The following SPATA7 variants were observed in gnomAD, a reference collection of about 807,000 sequenced individuals.
SPATA7 encodes spermatogenesis associated 7.
A neutral mutation model predicts 51.8 loss-of-function variants in SPATA7; 43 were observed. The ratio of observed to expected loss-of-function variants is 0.83; its 90% CI spans 0.65 to 1.07. The LOEUF (loss-of-function observed/expected upper bound fraction) is 1.07, where lower values mean the gene tolerates loss of function less well. Ranked by LOEUF, SPATA7 falls within the 50% of genes least tolerant of loss-of-function variation. The probability of loss-of-function intolerance (pLI) is 0.00; values close to 1 mark genes in which losing one functional copy is unlikely to be tolerated. For missense variants in SPATA7, 683 were observed against 701.3 expected, an observed-to-expected ratio of 0.97 and a Z score of 0.30; for synonymous variants, 230 against 252.8, an observed-to-expected ratio of 0.91 and a Z score of 0.86.
At chr14:88,465,324 G>T (rs988063337) in intron 4 of SPATA7, among the ~76,000 whole-genome samples, 37 of 152,034 alleles carry the variant, frequency 2.4e-4, no homozygotes, top group Admixed American at 2.4e-3. Flanking sequence ...AAAATTAGCC[G>T]GGCATAGTGG....
In SPATA7 at chr14:88,432,404, G is replaced by T. The variant is rs887011549; in HGVS notation, c.1083-731G>T. ...TGCTTATTCAGTAATTTAGTTACTT[G>T]CTACTTACATTTGGTATTAATTCAC... On this transcript the variant is annotated intron_variant, in intron 9 of 11. Transcript: ENST00000393545. Among the ~76,000 whole-genome samples, 45 of 152,036 alleles carry T rather than the reference G, an allele frequency of 3.0e-4. 1 individual carries two copies. The highest frequency in any genetic ancestry group is 1.0e-3 in the African/African-American group (42 of 41,402).
intron 3 of SPATA7, among the ~76,000 whole-genome samples, chr14:88,444,106 T>C (rs2077196206): frequency 6.6e-6 from 1 of 151,974 alleles, no homozygotes; most frequent in African/African-American, 2.4e-5. Context: ...ACCAACAGTG[T>C]AAAAGTGTTC....
chr14:88,469,386 G>T lies in SPATA7; in HGVS notation c.255-461G>T. On this transcript the variant is annotated intron_variant, in intron 4 of 4. Transcript: ENST00000556406. The surrounding 1 kb of genome is among the most constrained non-coding windows in gnomAD (Gnocchi z 4.3). ...ACTTGTATTCTTTATGTTAAAACAA[G>T]TCCGAAGCTTATATGAGATAACATA... 1.0e-6 allele frequency: 1 copy of T among 970,862 alleles called. No homozygotes were observed. The highest frequency in any genetic ancestry group is 1.5e-6 in the Non-Finnish European group (1 of 653,244). The allele number at this position is 970,862 out of a possible 1,614,324, so 60.1% of individuals were successfully genotyped here. A position where few individuals can be genotyped will look rare whatever the true frequency, so the allele number is the denominator to read the frequency against.
At chr14:88,393,522 A>C (rs988045882) in intron 3 of SPATA7, 34 bp downstream of exon 3, 5 of 1,426,842 alleles carry the variant, frequency 3.5e-6, no homozygotes, top group Non-Finnish European at 4.9e-6. Context: ...CTCTGTACTC[A>C]ATTTAAACCT....
downstream of SPATA7, among the ~76,000 whole-genome samples, chr14:88,439,370 G>A (rs1326789953): frequency 1.3e-5 from 2 of 152,084 alleles, no homozygotes; most frequent in African/African-American, 4.8e-5. Flanking sequence ...TGTAGCTCAT[G>A]AATGAGACCC....
Position 88,469,424 on chromosome 14 carries a change from C to A in SPATA7, c.255-423C>A, listed in dbSNP as rs1333764357. ...ATGAGATAACATAAAGGAAATATTT[C>A]GGAAACATAAATGTTCCTCTCTGTT... On this transcript the variant is annotated intron_variant, in intron 4 of 4. Coordinates refer to the SPATA7 transcript ENST00000556406. This position sits in a 1 kb window ranked among gnomAD's most constrained non-coding sequence, Gnocchi z 4.3. 2 of 1,269,928 alleles carry A rather than the reference C, an allele frequency of 1.6e-6. No individual in the cohort carries two copies. Among genetic ancestry groups the A allele is most frequent in the Admixed American group, 3.6e-5 (2 of 54,828 alleles). 78.7% of individuals were successfully genotyped at this position (1,269,928 alleles called of 1,614,324 possible). A position where few individuals can be genotyped will look rare whatever the true frequency, so the allele number is the denominator to read the frequency against.
At chr14:88,441,310 G>A (rs556195466), downstream of SPATA7, among the ~76,000 whole-genome samples, 21 of 152,210 alleles carry the variant, frequency 1.4e-4, no homozygotes, top group Non-Finnish European at 2.2e-4. Flanking sequence ...ATAAACATGC[G>A]TGTGCAAGTT....
intron 4 of SPATA7, among the ~76,000 whole-genome samples, chr14:88,405,823 G>C (rs759861042): frequency 3.2e-4 from 49 of 152,230 alleles, no homozygotes; most frequent in Admixed American, 2.5e-3. Context: ...TTTCAGGATA[G>C]AGCTAAAAAT....
At position 88,469,826 on chromosome 14, in the gene SPATA7, A is replaced by AC. The variant is rs758062375; in HGVS notation, c.255-18dup. ...ACATCTGAAACAGAACCACAACCCT[A>AC]CCCTGCCTTTTTCTCCACAGGTCAG... On this transcript the variant is annotated intron_variant, in intron 4 of 4. Coordinates refer to the SPATA7 transcript ENST00000556406. The surrounding 1 kb of genome is among the most constrained non-coding windows in gnomAD (Gnocchi z 4.3). The AC allele has an allele frequency of 1.9e-6, 3 of 1,601,456 alleles. No individual in the cohort carries two copies. Among genetic ancestry groups the AC allele is most frequent in the Non-Finnish European group, 2.6e-6 (3 of 1,168,972 alleles).
At chr14:88,448,442 A>G (rs1171532290) in intron 3 of SPATA7, among the ~76,000 whole-genome samples, 1 of 152,198 alleles carries the variant, frequency 6.6e-6, no homozygotes, top group Non-Finnish European at 1.5e-5. Flanking sequence ...GTCCTCCCGT[A>G]GCTCGGAGTA....
chr14:88,458,702 G>C (rs907392247), downstream of SPATA7, among the ~76,000 whole-genome samples: 3 of 152,016 alleles, frequency 2.0e-5, no homozygotes, highest in Non-Finnish European at 4.4e-5. Context: ...ATTTTTTGAA[G>C]GGTTTTTTGT....
At chr14:88,468,778 G>C (rs1367518829) in intron 4 of SPATA7, 2 of 998,492 alleles carry the variant, frequency 2.0e-6, no homozygotes, top group African/African-American at 1.6e-5. Context: ...ACAGCCTTTT[G>C]CAGGGAACAT....
At chr14:88,432,067 T>TA (rs1434464113) in intron 9 of SPATA7, among the ~76,000 whole-genome samples, 1 of 152,174 alleles carries the variant, frequency 6.6e-6, no homozygotes, top group Non-Finnish European at 1.5e-5. Context: ...CCATGATTCT[T>TA]ACTTATTTTT....
chr14:88,431,148 A>C (rs2076929432), intron 8 of SPATA7, 24 bp from the exon 9 acceptor site: 3 of 1,611,898 alleles, frequency 1.9e-6, no homozygotes, highest in Non-Finnish European at 2.5e-6. Context: ...GTTTTGCTCA[A>C]CTACTTTAAC....
At chr14:88,419,047 A>G (rs1026691158) in intron 5 of SPATA7, among the ~76,000 whole-genome samples, 3 of 152,174 alleles carry the variant, frequency 2.0e-5, no homozygotes, top group African/African-American at 4.8e-5. Context: ...TATTTGATAT[A>G]TAGTATATTC....
exon 4 of SPATA7, chr14:88,455,227 C>A: frequency 5.2e-6 from 2 of 387,076 alleles, no homozygotes; most frequent in Non-Finnish European, 5.2e-6. Flanking sequence ...AATTGACCCA[C>A]AAATATCCTG....
At chr14:88,404,443 G>A (rs73321870) in intron 4 of SPATA7, among the ~76,000 whole-genome samples, 3 of 152,228 alleles carry the variant, frequency 2.0e-5, no homozygotes, top group Non-Finnish European at 2.9e-5. Context: ...TAGGTCAGGC[G>A]TTGTGGCTCA....
At chr14:88,399,470 C>T (rs918676443) in intron 4 of SPATA7, among the ~76,000 whole-genome samples, 23 of 152,154 alleles carry the variant, frequency 1.5e-4, no homozygotes, top group South Asian at 2.1e-4. Context: ...CCAGTTTGGT[C>T]GCTACATACA....
At chr14:88,452,317 G>A (rs1188139841) in intron 3 of SPATA7, among the ~76,000 whole-genome samples, 1 of 152,206 alleles carries the variant, frequency 6.6e-6, no homozygotes, top group African/African-American at 2.4e-5. Flanking sequence ...CTGCTCAAGT[G>A]GAGGTAGCAG....
Sources: allele counts gnomAD v4.1 joint callset (sites outside exome capture counted in the v4.1 genomes callset), GRCh38; gene constraint gnomAD v4.1.1; non-coding constraint Gnocchi (gnomAD v3.1); transcripts MANE v1.5; gene names NCBI Gene and HGNC (gene_info 2026-07-23, HGNC 2026-07-21).